Variants in FAM120B observed in about 807,000 individuals in gnomAD.
FAM120B encodes the protein constitutive coactivator of peroxisome proliferator-activated receptor gamma.
In FAM120B, 83 loss-of-function variants were observed where a neutral mutation model predicts 96.3. That is an observed-to-expected ratio of 0.86 (90% CI 0.72 to 1.03). The LOEUF is 1.03. Among genes scored for constraint, FAM120B ranks in the 50% least tolerant of loss-of-function variants. The probability of loss-of-function intolerance (pLI) is 0.00; values close to 1 mark genes in which losing one functional copy is unlikely to be tolerated. For synonymous variants in FAM120B, 407 were observed against 402.7 expected (o/e 1.01, Z -0.13); for missense variants, 1,027 against 1,121.2 (o/e 0.92, Z 1.20).
At chr6:170,385,825 A>G (rs935260478) in intron 6 of FAM120B, among the ~76,000 whole-genome samples, 1 of 152,250 alleles carries the variant, frequency 6.6e-6, no homozygotes, top group African/African-American at 2.4e-5. Context: ...AAGCTATGAA[A>G]AGACATGGAG....
chr6:170,400,753 A>T (rs1346982182), intron 9 of FAM120B, among the ~76,000 whole-genome samples: 2 of 152,228 alleles, frequency 1.3e-5, no homozygotes, highest in African/African-American at 4.8e-5. Context: ...GTTAAAAATA[A>T]AGCAATGTCC....
intron 1 of FAM120B, chr6:170,297,860 A>C (rs1272496231): frequency 6.6e-6 from 1 of 152,246 alleles, no homozygotes; most frequent in African/African-American, 2.4e-5. Flanking sequence ...TAAGGCCTTT[A>C]AAAATGTACA....
intron 9 of FAM120B, among the ~76,000 whole-genome samples, chr6:170,397,053 T>G (rs1435842202): frequency 2.0e-5 from 3 of 152,228 alleles, no homozygotes; most frequent in South Asian, 2.1e-4. Flanking sequence ...CGTGTGTGTG[T>G]AGAGAGCTCA....
chr6:170,396,717 C>T (rs1433821899), intron 9 of FAM120B, among the ~76,000 whole-genome samples: 1 of 152,192 alleles, frequency 6.6e-6, no homozygotes, highest in African/African-American at 2.4e-5. Context: ...ACTAAATCAT[C>T]CGAGTATTTA....
intron 6 of FAM120B, among the ~76,000 whole-genome samples, chr6:170,377,022 G>A (rs948005249): frequency 2.7e-5 from 4 of 146,014 alleles, no homozygotes; most frequent in African/African-American, 7.7e-5. Flanking sequence ...ACAGGCTCAC[G>A]CTGCTCGGTG....
At chr6:170,329,304 C>G (rs953611337) in intron 3 of FAM120B, among the ~76,000 whole-genome samples, 3 of 152,228 alleles carry the variant, frequency 2.0e-5, no homozygotes, top group Non-Finnish European at 4.4e-5. Context: ...CCTGTGGGCA[C>G]AAAATTGGCG....
chr6:170,366,346 T>C (rs932736695), intron 6 of FAM120B, among the ~76,000 whole-genome samples: 1 of 152,178 alleles, frequency 6.6e-6, no homozygotes, highest in Non-Finnish European at 1.5e-5. Flanking sequence ...GGCAGAGCCT[T>C]GCTGGCTCCT....
At chr6:170,355,825 A>T (rs1291639339) in intron 5 of FAM120B, among the ~76,000 whole-genome samples, 1 of 152,182 alleles carries the variant, frequency 6.6e-6, no homozygotes, top group Non-Finnish European at 1.5e-5. Context: ...CTAATAATCT[A>T]CAGGTGTCTG....
chr6:170,340,855 G>A (rs1278850172), intron 4 of FAM120B, among the ~76,000 whole-genome samples: 1 of 152,172 alleles, frequency 6.6e-6, no homozygotes, highest in Non-Finnish European at 1.5e-5. Flanking sequence ...TCCTTCCTGT[G>A]GAAGCTTCCT....
upstream of FAM120B, among the ~76,000 whole-genome samples, chr6:170,294,522 G>A (rs562506286): frequency 1.4e-4 from 22 of 152,158 alleles, no homozygotes; most frequent in Non-Finnish European, 2.2e-4. This position sits in a 1 kb window ranked among gnomAD's most constrained non-coding sequence, Gnocchi z 7.9. Flanking sequence ...GAGACACTGA[G>A]TATCTCCCCA....
At chr6:170,399,003 C>G (rs1778378756) in intron 9 of FAM120B, among the ~76,000 whole-genome samples, 4 of 150,360 alleles carry the variant, frequency 2.7e-5, no homozygotes, top group South Asian at 2.1e-4. Context: ...TGTCATAACT[C>G]TTAGGAGTGA....
At chr6:170,305,317 C>A (rs183555999), upstream of FAM120B, among the ~76,000 whole-genome samples, 203 of 152,318 alleles carry the variant, frequency 1.3e-3, 1 homozygote, top group Middle Eastern at 0.01. Context: ...CTTGGTGTCA[C>A]CCCACAGCAC....
chr6:170,317,724 A>G lies in FAM120B; in HGVS notation c.334A>G (p.Ile112Val), dbSNP rs1414300233. The change falls in exon 2 of 11, where the codon ATA (isoleucine) becomes GTA (valine). Residue 112 changes from isoleucine (I) to valine (V), a missense_variant. Ile to Val is a conservative substitution (Grantham distance 29). This residue lies in a region of FAM120B where 880 missense variants were observed against 980.9 expected (regional missense o/e 0.90). Transcript: ENST00000476287. ...VKRRLKNNREISRIFHYIKSH... is the reference protein window; with the variant it reads ...VKRRLKNNREVSRIFHYIKSH... ...ACGAAGGCTCAAGAACAACAGGGAGATATCCAGGATTTTTCATTACATCAA... is the reference window on the plus strand; with the variant it reads ...ACGAAGGCTCAAGAACAACAGGGAGGTATCCAGGATTTTTCATTACATCAA... The G allele has an allele frequency of 6.2e-7, 1 of 1,614,120 alleles. No homozygotes were observed. Among genetic ancestry groups the G allele is most frequent in the African/African-American group, 1.3e-5 (1 of 75,034 alleles).
intron 4 of FAM120B, among the ~76,000 whole-genome samples, chr6:170,341,108 A>G (rs1181432785): frequency 6.6e-6 from 1 of 152,244 alleles, no homozygotes; most frequent in East Asian, 1.9e-4. Context: ...CACCCACAGC[A>G]GCCCCCTTCC....
intron 3 of FAM120B, among the ~76,000 whole-genome samples, chr6:170,329,314 G>A (rs373897459): frequency 6.8e-4 from 104 of 152,348 alleles, no homozygotes; most frequent in African/African-American, 2.3e-3. Flanking sequence ...CAAAATTGGC[G>A]TGATAGAGAG....
intron 2 of FAM120B, 108 bp downstream of exon 2, chr6:170,319,232 A>T: frequency 9.4e-7 from 1 of 1,068,658 alleles, no homozygotes. Flanking sequence ...GAGAGGATGC[A>T]CAACAGGAGT....
rs1261852672 is a variant in FAM120B, at chr6:170,344,236, C to T, written c.2018-3915C>T. On this transcript the variant is annotated intron_variant, in intron 4 of 10. Coordinates refer to ENST00000476287, the MANE Select transcript of FAM120B (RefSeq NM_032448.3). ...TGCTAGCCTCTCTCTGGTTCCTGAG[C>T]AGCCCCACCTTGGAAGAACGGATGA... Among the ~76,000 whole-genome samples, 87 of 93,760 alleles carry T rather than the reference C, an allele frequency of 9.3e-4. 1 individual carries two copies. Among genetic ancestry groups the T allele is most frequent in the African/African-American group, 3.9e-3 (84 of 21,774 alleles). The allele number at this position is 93,760 out of a possible 152,430, so 61.5% of individuals were successfully genotyped here.
intron 4 of FAM120B, among the ~76,000 whole-genome samples, chr6:170,341,173 GGCT>G (rs1786800042): frequency 6.6e-6 from 1 of 152,216 alleles, no homozygotes; most frequent in African/African-American, 2.4e-5. Flanking sequence ...CCCTGACTGG[GGCT>G]GCTGCCTTTC....
In FAM120B at chr6:170,338,844, C is replaced by CTTTTTTT. The variant is rs61188907; in HGVS notation, c.2017+8308_2017+8314dup. ...TATTAGAGACTAGCATTGCAACCTG[C>CTTTTTTT]TTTTTTTTTTTTTTTTTTTTGCTTT... is the stretch of plus-strand genomic sequence containing the variant. On this transcript the variant is annotated intron_variant, in intron 4 of 10. Coordinates refer to ENST00000476287, the MANE Select transcript of FAM120B (RefSeq NM_032448.3). Among the ~76,000 whole-genome samples, 24 of 85,410 alleles carry CTTTTTTT rather than the reference C, an allele frequency of 2.8e-4. 1 individual carries two copies. The highest frequency in any genetic ancestry group is 4.0e-4 in the Admixed American group (3 of 7,548). 56.0% of individuals were successfully genotyped at this position (85,410 alleles called of 152,430 possible). A position where few individuals can be genotyped will look rare whatever the true frequency, so the allele number is the denominator to read the frequency against.
Sources: allele counts gnomAD v4.1 joint callset (sites outside exome capture counted in the v4.1 genomes callset), GRCh38; gene constraint gnomAD v4.1.1; regional missense constraint gnomAD v4.1.1; non-coding constraint Gnocchi (gnomAD v3.1); transcripts MANE v1.5; gene names NCBI Gene and HGNC (gene_info 2026-07-23, HGNC 2026-07-21).